The following NAV2 variants were observed in gnomAD, a reference collection of about 807,000 sequenced individuals.
The protein encoded by NAV2 is helicase, APC down-regulated 1.
A neutral mutation model predicts 223.2 loss-of-function variants in NAV2; 54 were observed. That is an observed-to-expected ratio of 0.24 (90% CI 0.19 to 0.30). NAV2 has a LOEUF of 0.30. Among genes scored for constraint, NAV2 ranks in the 10% least tolerant of loss-of-function variants. NAV2 has a pLI of 1.00. For synonymous variants in NAV2, 1,279 were observed against 1,239.3 expected (o/e 1.03, Z -0.67); for missense variants, 2,806 against 3,147.5 (o/e 0.89, Z 2.60).
chr11:19,594,029 A>G (rs1358048944), intron 1 of NAV2, among the ~76,000 whole-genome samples: 1 of 152,146 alleles, frequency 6.6e-6, no homozygotes, highest in East Asian at 1.9e-4. Flanking sequence ...TCCCAATTTA[A>G]TAGATGAGGA....
intron 3 of NAV2, among the ~76,000 whole-genome samples, chr11:19,855,912 T>C (rs1321378469): frequency 6.6e-6 from 1 of 152,248 alleles, no homozygotes; most frequent in Non-Finnish European, 1.5e-5. Context: ...CAGAATTCAT[T>C]GGTTGCCTCC....
At chr11:20,010,377 A>C (rs150647380) in intron 11 of NAV2, among the ~76,000 whole-genome samples, 1 of 152,172 alleles carries the variant, frequency 6.6e-6, no homozygotes, top group African/African-American at 2.4e-5. Flanking sequence ...ACTTAGGTCA[A>C]TTGGCTTAAA....
intron 6 of NAV2, among the ~76,000 whole-genome samples, chr11:19,907,895 G>A (rs2043003002): frequency 6.6e-6 from 1 of 152,148 alleles, no homozygotes; most frequent in Admixed American, 6.5e-5. Context: ...CCCATTGCTG[G>A]GGGCTGGTGA....
chr11:19,631,084 C>T (rs1482329495), intron 1 of NAV2, among the ~76,000 whole-genome samples: 1 of 150,392 alleles, frequency 6.6e-6, no homozygotes, highest in Non-Finnish European at 1.5e-5. Context: ...TTATCCATGG[C>T]CCTTTCTTTT....
At chr11:19,481,691 T>C (rs2042286070) in intron 1 of NAV2, among the ~76,000 whole-genome samples, 2 of 152,270 alleles carry the variant, frequency 1.3e-5, no homozygotes, top group African/African-American at 4.8e-5. Context: ...ACAGTCTGTA[T>C]GTAGAGGCTG....
chr11:19,796,281 G>A (rs1436677784), intron 1 of NAV2, among the ~76,000 whole-genome samples: 2 of 152,112 alleles, frequency 1.3e-5, no homozygotes, highest in East Asian at 3.9e-4. Context: ...GAAACCAAGA[G>A]TTCAACCAGA....
At chr11:20,115,501 A>C (rs7124303) in intron 37 of NAV2, among the ~76,000 whole-genome samples, 1 of 151,600 alleles carries the variant, frequency 6.6e-6, no homozygotes, top group Non-Finnish European at 1.5e-5. Context: ...GCGTGGTGGC[A>C]GGCACCTGTA....
intron 6 of NAV2, among the ~76,000 whole-genome samples, chr11:19,912,162 G>A (rs2043368314): frequency 6.6e-6 from 1 of 152,136 alleles, no homozygotes; most frequent in African/African-American, 2.4e-5. Context: ...ATAAAGTTTA[G>A]TGAACTGCCA....
chr11:19,610,067 G>T (rs575253506), intron 1 of NAV2, among the ~76,000 whole-genome samples: 1 of 152,158 alleles, frequency 6.6e-6, no homozygotes, highest in Non-Finnish European at 1.5e-5. Context: ...CTAATTGAAG[G>T]GCTGCCATTC....
chr11:20,077,457 T>A (rs868866292), intron 22 of NAV2, 95 bp from the exon 23 acceptor site: 3 of 916,132 alleles, frequency 3.3e-6, no homozygotes, highest in East Asian at 4.9e-5. Context: ...CCTAGATCAA[T>A]GGACCCACAG....
At chr11:19,754,389 C>T (rs564876189) in intron 1 of NAV2, among the ~76,000 whole-genome samples, 2 of 152,098 alleles carry the variant, frequency 1.3e-5, no homozygotes, top group Non-Finnish European at 1.5e-5. Context: ...GTAAAGGCTT[C>T]GTGCAGGAGG....
At chr11:19,517,917 G>A (rs903782861) in intron 1 of NAV2, among the ~76,000 whole-genome samples, 1 of 152,240 alleles carries the variant, frequency 6.6e-6, no homozygotes, top group Non-Finnish European at 1.5e-5. Context: ...GTGTAGAATG[G>A]CGTCCAGCCT....
intron 1 of NAV2, among the ~76,000 whole-genome samples, chr11:19,437,130 T>G (rs1385086965): frequency 1.3e-5 from 2 of 152,196 alleles, no homozygotes; most frequent in African/African-American, 2.4e-5. Flanking sequence ...AGTGCATTTC[T>G]AGATAATGTG....
At chr11:19,848,490 G>T (rs146341628) in intron 3 of NAV2, among the ~76,000 whole-genome samples, 7 of 152,290 alleles carry the variant, frequency 4.6e-5, no homozygotes, top group African/African-American at 1.7e-4. Flanking sequence ...GTCGGATTAG[G>T]TCTTACCTCT....
intron 1 of NAV2, among the ~76,000 whole-genome samples, chr11:19,428,585 A>G (rs1444483478): frequency 6.6e-6 from 1 of 152,244 alleles, no homozygotes; most frequent in Admixed American, 6.5e-5. Context: ...GTCTTTTGAG[A>G]TCACTGGTCA....
At chr11:19,450,780 A>G (rs1447379408) in intron 1 of NAV2, among the ~76,000 whole-genome samples, 1 of 152,192 alleles carries the variant, frequency 6.6e-6, no homozygotes, top group African/African-American at 2.4e-5. Context: ...GCGTTTGTGT[A>G]GAGTTTTCAC....
At chr11:20,079,066 A>G (rs1439820694) in intron 24 of NAV2, among the ~76,000 whole-genome samples, 1 of 152,004 alleles carries the variant, frequency 6.6e-6, no homozygotes, top group Non-Finnish European at 1.5e-5. Context: ...TTTGAGACGG[A>G]GTTTCACTCT....
intron 10 of NAV2, among the ~76,000 whole-genome samples, chr11:19,953,223 T>A (rs2047542978): frequency 1.3e-5 from 2 of 152,192 alleles, no homozygotes; most frequent in African/African-American, 4.8e-5. Flanking sequence ...AAAATGACCC[T>A]TTAAATATAA....
intron 1 of NAV2, among the ~76,000 whole-genome samples, chr11:19,794,198 G>A (rs1348314152): frequency 6.6e-6 from 1 of 152,184 alleles, no homozygotes; most frequent in Non-Finnish European, 1.5e-5. Context: ...AATGACTTGA[G>A]CAGGGTCCTC....
Sources: allele counts gnomAD v4.1 joint callset (sites outside exome capture counted in the v4.1 genomes callset), GRCh38; gene constraint gnomAD v4.1.1; transcripts MANE v1.5; gene names NCBI Gene and HGNC (gene_info 2026-07-23, HGNC 2026-07-21).